The following COX7B2 variants were observed in gnomAD, a reference collection of about 807,000 sequenced individuals.
The protein encoded by COX7B2 is cytochrome c oxidase subunit 7B2, mitochondrial.
For synonymous variants in COX7B2, 37 were observed against 32.1 expected, an observed-to-expected ratio of 1.15 and a Z score of -0.51; for missense variants, 109 against 95.9, an observed-to-expected ratio of 1.14 and a Z score of -0.57.
At chr4:46,774,289 T>C (rs750732350) in intron 2 of COX7B2, among the ~76,000 whole-genome samples, 2 of 152,144 alleles carry the variant, frequency 1.3e-5, no homozygotes, top group Non-Finnish European at 2.9e-5. Context: ...CCTTAGGGTC[T>C]GGTTCGTCTA....
chr4:46,815,530 T>C (rs1316422413), intron 2 of COX7B2, among the ~76,000 whole-genome samples: 1 of 152,188 alleles, frequency 6.6e-6, no homozygotes, highest in Non-Finnish European at 1.5e-5. Flanking sequence ...TTCCAGACTT[T>C]AACCTTGGAA....
chr4:46,791,031 G>C (rs1718013591), intron 2 of COX7B2, among the ~76,000 whole-genome samples: 1 of 152,072 alleles, frequency 6.6e-6, no homozygotes, highest in Non-Finnish European at 1.5e-5. Flanking sequence ...ACACAATCTT[G>C]CTCTGCCACC....
chr4:46,890,734 T>G (rs937858320), intron 1 of COX7B2, among the ~76,000 whole-genome samples: 5 of 152,198 alleles, frequency 3.3e-5, no homozygotes, highest in African/African-American at 9.7e-5. Context: ...GGAGTGTTCT[T>G]AAAGTATTGA....
chr4:46,864,352 T>C (rs944998486), intron 1 of COX7B2, among the ~76,000 whole-genome samples: 1 of 152,130 alleles, frequency 6.6e-6, no homozygotes, highest in African/African-American at 2.4e-5. Context: ...CACGACATTT[T>C]TTTTTTTAAC....
rs80056068 is a variant in COX7B2, at chr4:46,877,675, T to C, written c.-105+31485A>G. On this transcript the variant is annotated intron_variant, in intron 1 of 2. Coordinates refer to ENST00000355591, the MANE Select transcript of COX7B2 (RefSeq NM_130902.3). ...AGTACAAATCAAAACCACTGTGATA[T>C]ACCACCCCATACCTGTTAGAATAGG... Among the ~76,000 whole-genome samples the C allele has an allele frequency of 1.2e-3, 185 of 152,250 alleles. 3 individuals carry two copies. In the East Asian group the frequency reaches 0.025, roughly 20 times the overall value.
intron 1 of COX7B2, among the ~76,000 whole-genome samples, chr4:46,849,424 C>A (rs1716519018): frequency 6.6e-6 from 1 of 151,944 alleles, no homozygotes; most frequent in African/African-American, 2.4e-5. Context: ...AAATGCCCTC[C>A]CCATTTGAAT....
intron 1 of COX7B2, among the ~76,000 whole-genome samples, chr4:46,884,362 T>C (rs1718942180): frequency 1.3e-5 from 2 of 152,206 alleles, no homozygotes; most frequent in Admixed American, 1.3e-4. Flanking sequence ...CAGACTGCAT[T>C]TCCTTTTTAA....
At chr4:46,820,255 T>G (rs1714175098) in intron 2 of COX7B2, among the ~76,000 whole-genome samples, 1 of 152,192 alleles carries the variant, frequency 6.6e-6, no homozygotes, top group South Asian at 2.1e-4. Context: ...GGCATTAGAT[T>G]CTCCTAAGGA....
At chr4:46,804,819 C>A (rs1322699578) in intron 2 of COX7B2, among the ~76,000 whole-genome samples, 1 of 152,244 alleles carries the variant, frequency 6.6e-6, no homozygotes, top group Non-Finnish European at 1.5e-5. Flanking sequence ...CAGTCCTGTG[C>A]CGTGTGCCTG....
At chr4:46,768,778 G>A (rs1314863407) in intron 2 of COX7B2, among the ~76,000 whole-genome samples, 5 of 152,070 alleles carry the variant, frequency 3.3e-5, no homozygotes, top group Non-Finnish European at 7.4e-5. Context: ...AAAGATCAAT[G>A]AAACTAAAAT....
chr4:46,839,940 T>G (rs1221824795), intron 2 of COX7B2, among the ~76,000 whole-genome samples: 6 of 152,078 alleles, frequency 3.9e-5, no homozygotes, highest in African/African-American at 1.4e-4. Flanking sequence ...GCATTTATTT[T>G]AACTGTAATA....
intron 1 of COX7B2, among the ~76,000 whole-genome samples, chr4:46,847,465 A>G (rs1716364290): frequency 6.6e-6 from 1 of 152,106 alleles, no homozygotes; most frequent in South Asian, 2.1e-4. Flanking sequence ...ATCCTTCTGA[A>G]GTCAAGCATT....
At chr4:46,875,063 T>C (rs1718239136) in intron 1 of COX7B2, among the ~76,000 whole-genome samples, 1 of 152,096 alleles carries the variant, frequency 6.6e-6, no homozygotes, top group Admixed American at 6.6e-5. Flanking sequence ...ATAACTTATC[T>C]AGAACAAACA....
intron 1 of COX7B2, among the ~76,000 whole-genome samples, chr4:46,890,788 G>A (rs1042073531): frequency 1.3e-5 from 2 of 152,180 alleles, no homozygotes; most frequent in African/African-American, 4.8e-5. Context: ...CAGTAGTCTG[G>A]GGACAGCTAA....
intron 2 of COX7B2, among the ~76,000 whole-genome samples, chr4:46,787,863 C>G (rs1279375028): frequency 6.6e-6 from 1 of 152,094 alleles, no homozygotes; most frequent in African/African-American, 2.4e-5. Flanking sequence ...GTTTTAGAGG[C>G]TTTTATTTAT....
intron 2 of COX7B2, among the ~76,000 whole-genome samples, chr4:46,840,588 C>T (rs942476746): frequency 6.6e-6 from 1 of 152,020 alleles, no homozygotes; most frequent in Non-Finnish European, 1.5e-5. Flanking sequence ...GATCTATCAG[C>T]TTTAAAACCT....
At chr4:46,839,460 C>A (rs562131772) in intron 2 of COX7B2, among the ~76,000 whole-genome samples, 2 of 152,020 alleles carry the variant, frequency 1.3e-5, no homozygotes, top group African/African-American at 4.8e-5. Context: ...CTCAAAGTCC[C>A]CTAGATTGAG....
chr4:46,880,064 A>G (rs1718614782), intron 1 of COX7B2, among the ~76,000 whole-genome samples: 1 of 152,128 alleles, frequency 6.6e-6, no homozygotes, highest in South Asian at 2.1e-4. Context: ...AACTTTGCCC[A>G]TTCAGTGTAA....
intron 2 of COX7B2, among the ~76,000 whole-genome samples, chr4:46,816,926 G>C (rs1413473232): frequency 6.6e-6 from 1 of 152,140 alleles, no homozygotes; most frequent in East Asian, 1.9e-4. Flanking sequence ...TTTTTTAAGT[G>C]GGAAGTTAGA....
Sources: gnomAD v4.1 joint callset for allele counts (sites outside exome capture counted in the v4.1 genomes callset) on GRCh38, gnomAD v4.1.1 for gene constraint, MANE v1.5 for transcripts, NCBI Gene and HGNC (gene_info 2026-07-23, HGNC 2026-07-21) for gene names.